GRM8: variants seen among roughly 807,000 people sequenced by gnomAD.
GRM8 encodes glutamate metabotropic receptor 8, also known as metabotropic glutamate receptor 8.
In GRM8, 47 loss-of-function variants were observed where a neutral mutation model predicts 87.2. That is an observed-to-expected ratio of 0.54 (90% CI 0.43 to 0.69). The LOEUF is 0.69. GRM8 is among the 30% of genes least tolerant of loss of function. The probability of loss-of-function intolerance (pLI) is 0.00; values close to 1 mark genes in which losing one functional copy is unlikely to be tolerated. For missense variants in GRM8, 1,019 were observed against 1,139.2 expected, an observed-to-expected ratio of 0.89 and a Z score of 1.52; for synonymous variants, 396 against 404.5, an observed-to-expected ratio of 0.98 and a Z score of 0.25.
intron 6 of GRM8, among the ~76,000 whole-genome samples, chr7:126,837,910 T>C (rs1267002055): frequency 6.6e-6 from 1 of 152,218 alleles, no homozygotes; most frequent in African/African-American, 2.4e-5. Flanking sequence ...CATCTTCATC[T>C]TTCAAGCAGT....
intron 7 of GRM8, among the ~76,000 whole-genome samples, chr7:126,681,683 G>T (rs192198568): frequency 1.5e-4 from 23 of 152,132 alleles, no homozygotes; most frequent in African/African-American, 5.6e-4. Context: ...ATCACACTGA[G>T]GTGTATTTAC....
intron 6 of GRM8, among the ~76,000 whole-genome samples, chr7:126,804,016 A>AG (rs901497149): frequency 1.3e-5 from 2 of 152,156 alleles, no homozygotes; most frequent in African/African-American, 4.8e-5. Flanking sequence ...AAAATGGAAT[A>AG]GTTAACTTAC....
intron 2 of GRM8, among the ~76,000 whole-genome samples, chr7:127,144,647 G>A (rs896722385): frequency 5.9e-5 from 9 of 152,072 alleles, no homozygotes; most frequent in Admixed American, 5.9e-4. Flanking sequence ...AAATGAAAAG[G>A]TCAAGTATAC....
At chr7:126,885,283 G>A (rs1800384589) in intron 6 of GRM8, among the ~76,000 whole-genome samples, 1 of 152,180 alleles carries the variant, frequency 6.6e-6, no homozygotes. Context: ...TGTATTCATA[G>A]TGATGTGCTA....
chr7:126,521,262 C>G (rs1157957740), intron 9 of GRM8, among the ~76,000 whole-genome samples: 3 of 152,046 alleles, frequency 2.0e-5, no homozygotes, highest in Admixed American at 6.6e-5. Context: ...AGGATTTAAG[C>G]CAACAGACAA....
At chr7:126,816,801 G>A (rs1266754603) in intron 6 of GRM8, among the ~76,000 whole-genome samples, 1 of 150,816 alleles carries the variant, frequency 6.6e-6, no homozygotes, top group Non-Finnish European at 1.5e-5. Flanking sequence ...CATATACAGA[G>A]GTACACAAAT....
In GRM8 at chr7:126,629,125, C is replaced by T. The variant is rs553517910; in HGVS notation, c.1358-19627G>A. Among the ~76,000 whole-genome samples the T allele has an allele frequency of 2.6e-5, 4 of 152,240 alleles. No individual in the cohort carries two copies. In the South Asian group the frequency reaches 8.3e-4, roughly 32 times the overall value. ...TGCTACTTAGGCTTGCTATTGTGCCCATGGAGAATATGAATCCTCCCCGGA... is the reference window on the plus strand; with the variant it reads ...TGCTACTTAGGCTTGCTATTGTGCCTATGGAGAATATGAATCCTCCCCGGA... On this transcript the variant is annotated intron_variant, in intron 7 of 10. Transcript: ENST00000339582.
chr7:126,576,123 A>G (rs1795096464), intron 8 of GRM8, among the ~76,000 whole-genome samples: 1 of 152,196 alleles, frequency 6.6e-6, no homozygotes, highest in Non-Finnish European at 1.5e-5. Flanking sequence ...GACAGGGCCC[A>G]GCATTATGTA....
intron 3 of GRM8, among the ~76,000 whole-genome samples, chr7:126,905,633 T>C (rs1186418664): frequency 6.6e-6 from 1 of 152,204 alleles, no homozygotes; most frequent in Non-Finnish European, 1.5e-5. Flanking sequence ...GTCATCCAAC[T>C]GTTATTGGAT....
intron 6 of GRM8, among the ~76,000 whole-genome samples, chr7:126,804,643 T>C (rs960022850): frequency 6.6e-6 from 1 of 152,236 alleles, no homozygotes; most frequent in Non-Finnish European, 1.5e-5. Context: ...ACCTGCATTT[T>C]ATCCTCATTA....
At chr7:126,520,490 T>C (rs1218816561) in intron 9 of GRM8, among the ~76,000 whole-genome samples, 1 of 152,092 alleles carries the variant, frequency 6.6e-6, no homozygotes, top group Non-Finnish European at 1.5e-5. Flanking sequence ...AAAGCACGAA[T>C]GCAGCTTTTC....
At chr7:126,774,568 G>A (rs1190214036) in intron 6 of GRM8, among the ~76,000 whole-genome samples, 1 of 152,104 alleles carries the variant, frequency 6.6e-6, no homozygotes, top group African/African-American at 2.4e-5. Context: ...TGGGAAGATT[G>A]TTTTACATCT....
chr7:126,655,385 C>G (rs1379736438), intron 7 of GRM8, among the ~76,000 whole-genome samples: 1 of 152,144 alleles, frequency 6.6e-6, no homozygotes, highest in East Asian at 1.9e-4. Context: ...TAGTTTGACT[C>G]TGTATCCCCA....
At chr7:126,829,426 T>C (rs1355063914) in intron 6 of GRM8, among the ~76,000 whole-genome samples, 11 of 134,050 alleles carry the variant, frequency 8.2e-5, no homozygotes, top group African/African-American at 3.2e-4. Flanking sequence ...TTAGCTCTTC[T>C]TGTTGAATTG....
intron 2 of GRM8, among the ~76,000 whole-genome samples, chr7:127,154,119 C>T (rs1792577421): frequency 6.6e-6 from 1 of 152,122 alleles, no homozygotes; most frequent in Non-Finnish European, 1.5e-5. Context: ...GAAAACTGTG[C>T]TTGTCAACCT....
At chr7:127,063,568 T>C (rs755688326) in intron 3 of GRM8, among the ~76,000 whole-genome samples, 7 of 152,194 alleles carry the variant, frequency 4.6e-5, no homozygotes, top group Non-Finnish European at 1.0e-4. Flanking sequence ...ACAGTAAGAC[T>C]CTGTCTCAAA....
chr7:127,021,800 C>A (rs1325696511), intron 3 of GRM8, among the ~76,000 whole-genome samples: 1 of 151,984 alleles, frequency 6.6e-6, no homozygotes. Context: ...CTGAATCCAA[C>A]CATTTTTAAG....
chr7:126,849,194 C>T (rs1034767484), intron 6 of GRM8, among the ~76,000 whole-genome samples: 1 of 151,962 alleles, frequency 6.6e-6, no homozygotes, highest in Non-Finnish European at 1.5e-5. Context: ...AAGAAAAAAA[C>T]AGAAAGAAAG....
intron 6 of GRM8, among the ~76,000 whole-genome samples, chr7:126,788,420 A>AACAAAAACAAAAAACAAAAAAAAAAAAAC (rs1554492201): frequency 3.7e-5 from 3 of 81,138 alleles, no homozygotes; most frequent in African/African-American, 1.4e-4. Flanking sequence ...AAAAAAAAAA[A>AACAAAAACAAAAAACAAAAAAAAAAAAAC]AAACCCTTTC....
Sources: gnomAD v4.1 joint callset for allele counts (sites outside exome capture counted in the v4.1 genomes callset) on GRCh38, gnomAD v4.1.1 for gene constraint, MANE v1.5 for transcripts, NCBI Gene and HGNC (gene_info 2026-07-23, HGNC 2026-07-21) for gene names.